The following AKT3 variants were observed in gnomAD, a reference collection of about 807,000 sequenced individuals.
AKT3 encodes AKT serine/threonine kinase 3.
AKT3 carries 15 observed loss-of-function variants against 65.3 expected under a neutral mutation model. The observed-to-expected ratio is 0.23, with a 90% CI of 0.15 to 0.35. The LOEUF (loss-of-function observed/expected upper bound fraction) is 0.35, where lower values mean the gene tolerates loss of function less well. AKT3 is among the 10% of genes least tolerant of loss of function. AKT3 has a pLI of 1.00. For synonymous variants in AKT3, 206 were observed against 183.8 expected (o/e 1.12, Z -0.98); for missense variants, 243 against 576.5 (o/e 0.42, Z 5.92).
chr1:243,645,461 C>G (rs1245901289), intron 5 of AKT3, among the ~76,000 whole-genome samples: 1 of 152,268 alleles, frequency 6.6e-6, no homozygotes, highest in East Asian at 1.9e-4. Flanking sequence ...GTTCACTTTC[C>G]TGCTGACTTT....
chr1:243,775,553 G>A (rs1468260812), intron 2 of AKT3, among the ~76,000 whole-genome samples: 1 of 152,070 alleles, frequency 6.6e-6, no homozygotes, highest in African/African-American at 2.4e-5. Context: ...CCACCTGTGG[G>A]ATCCACCAAA....
intron 10 of AKT3, among the ~76,000 whole-genome samples, chr1:243,558,728 T>C (rs1673576163): frequency 2.0e-5 from 3 of 152,060 alleles, no homozygotes; most frequent in African/African-American, 7.2e-5. Context: ...CAAAACCACC[T>C]TATTCAACCT....
At chr1:243,517,136 C>T (rs1189435991) in intron 12 of AKT3, among the ~76,000 whole-genome samples, 1 of 150,028 alleles carries the variant, frequency 6.7e-6, no homozygotes, top group Admixed American at 6.7e-5. Flanking sequence ...GGGGATTTTC[C>T]ATAGATCTGT....
At chr1:243,830,426 A>G (rs1463050072) in intron 2 of AKT3, among the ~76,000 whole-genome samples, 1 of 152,216 alleles carries the variant, frequency 6.6e-6, no homozygotes, top group Non-Finnish European at 1.5e-5. Flanking sequence ...TCTTATAATA[A>G]TTATAAACAT....
chr1:243,615,283 T>G, intron 6 of AKT3, 122 bp from the exon 7 acceptor site: 1 of 636,196 alleles, frequency 1.6e-6, no homozygotes, highest in Non-Finnish European at 2.6e-6. Flanking sequence ...TAAAACACAG[T>G]GGCATGCTTC....
At chr1:243,554,156 T>C (rs1488517605) in intron 10 of AKT3, among the ~76,000 whole-genome samples, 2 of 152,140 alleles carry the variant, frequency 1.3e-5, no homozygotes, top group African/African-American at 4.8e-5. Flanking sequence ...TATGATTACC[T>C]AAAAATACTA....
chr1:243,565,925 T>A (rs892758410), intron 9 of AKT3, among the ~76,000 whole-genome samples: 2 of 152,188 alleles, frequency 1.3e-5, no homozygotes, highest in African/African-American at 4.8e-5. Flanking sequence ...TTTACTAATA[T>A]AATACATTAA....
chr1:243,785,647 C>T (rs1691214951), intron 2 of AKT3, among the ~76,000 whole-genome samples: 1 of 152,234 alleles, frequency 6.6e-6, no homozygotes, highest in Non-Finnish European at 1.5e-5. Flanking sequence ...TACCCACAGT[C>T]TTCCAGTGTT....
chr1:243,722,009 C>T (rs1382993479), intron 2 of AKT3, among the ~76,000 whole-genome samples: 2 of 152,126 alleles, frequency 1.3e-5, no homozygotes, highest in East Asian at 3.8e-4. Context: ...ATAACAAAAT[C>T]TCTAAAGGAG....
At chr1:243,490,630 G>A (rs532765762) in intron 13 of AKT3, among the ~76,000 whole-genome samples, 4 of 152,360 alleles carry the variant, frequency 2.6e-5, no homozygotes, top group South Asian at 4.1e-4. Context: ...CTGGCTTCAC[G>A]GGCTACTGGG....
intron 8 of AKT3, among the ~76,000 whole-genome samples, chr1:243,589,305 T>G (rs1403522808): frequency 3.3e-5 from 1 of 30,078 alleles, no homozygotes; most frequent in Non-Finnish European, 5.7e-5. Flanking sequence ...AAACTCCATC[T>G]CAAAAAAAAA....
chr1:243,792,510 G>A (rs1209208258), intron 2 of AKT3, among the ~76,000 whole-genome samples: 1 of 152,086 alleles, frequency 6.6e-6, no homozygotes, highest in African/African-American at 2.4e-5. Flanking sequence ...CTGGCCCTGG[G>A]GGTCAGAGGA....
At chr1:243,556,787 C>T (rs1284472195) in intron 10 of AKT3, among the ~76,000 whole-genome samples, 1 of 152,020 alleles carries the variant, frequency 6.6e-6, no homozygotes, top group Non-Finnish European at 1.5e-5. Context: ...ATATTCTTAA[C>T]ATCACAGGTA....
rs1455068642 is a variant in AKT3, at chr1:243,501,161, A to C, written c.*4088T>G. 4.3e-6 allele frequency: 1 copy of C among 231,362 alleles called. No homozygotes were observed. Among genetic ancestry groups the C allele is most frequent in the African/African-American group, 2.2e-5 (1 of 45,238 alleles). The allele number at this position is 231,362 out of a possible 1,614,324, so 14.3% of individuals were successfully genotyped here. A position where few individuals can be genotyped will look rare whatever the true frequency, so the allele number is the denominator to read the frequency against. ...TTCCTCTGTCTGGCTTCGTCACAGGAGCAAAGCCAAGTTTCTACAATAGTA... is the reference window on the plus strand; with the variant it reads ...TTCCTCTGTCTGGCTTCGTCACAGGCGCAAAGCCAAGTTTCTACAATAGTA... On this transcript the variant is annotated 3_prime_UTR_variant, in exon 14 of 14. Transcript: ENST00000673466.
rs150642044 is a variant in AKT3, at chr1:243,510,454, G to A, written c.1354+1870C>T. ...TCAAGGTGCCAATGCAGAGAATGAA[G>A]AGAGAGAGGGAATGTTGTCAGACTG... On this transcript the variant is annotated intron_variant, in intron 13 of 13. Coordinates refer to ENST00000673466, the MANE Select transcript of AKT3 (RefSeq NM_005465.7). 2.0e-5 allele frequency among the ~76,000 whole-genome samples: 3 copies of A among 152,334 alleles called. No homozygotes were observed. The East Asian group carries it at 5.8e-4, about 29-fold the overall frequency.
At chr1:243,528,776 T>A (rs1671328389) in intron 12 of AKT3, among the ~76,000 whole-genome samples, 1 of 152,218 alleles carries the variant, frequency 6.6e-6, no homozygotes, top group African/African-American at 2.4e-5. Context: ...AGTGTTGTAA[T>A]GAACATATGT....
intron 2 of AKT3, among the ~76,000 whole-genome samples, chr1:243,729,670 G>A (rs9782958): frequency 6.6e-6 from 1 of 151,798 alleles, no homozygotes; most frequent in African/African-American, 2.4e-5. Flanking sequence ...ATGGGAAAAC[G>A]TTCATAATAT....
chr1:243,575,381 G>C (rs577855211), intron 8 of AKT3, among the ~76,000 whole-genome samples: 1 of 152,276 alleles, frequency 6.6e-6, no homozygotes, highest in South Asian at 2.1e-4. Context: ...GGAATACAGT[G>C]ATAAGACAGA....
chr1:243,591,254 T>C (rs192303307), intron 8 of AKT3, among the ~76,000 whole-genome samples: 2 of 152,180 alleles, frequency 1.3e-5, no homozygotes, highest in South Asian at 2.1e-4. Flanking sequence ...AAGGCAAAAA[T>C]ATTTCATGTT....
Sources: allele counts gnomAD v4.1 joint callset (sites outside exome capture counted in the v4.1 genomes callset), GRCh38; gene constraint gnomAD v4.1.1; transcripts MANE v1.5; gene names NCBI Gene and HGNC (gene_info 2026-07-23, HGNC 2026-07-21).